FGF19: variants seen among roughly 807,000 people sequenced by gnomAD.
FGF19 encodes fibroblast growth factor 19.
In FGF19, 5 loss-of-function variants were observed where a neutral mutation model predicts 8.9. The observed-to-expected ratio is 0.56, with a 90% confidence interval of 0.29 to 1.18. The LOEUF is 1.18. Among genes scored for constraint, FGF19 ranks in the 50% most tolerant of loss-of-function variants. FGF19 has a pLI of 0.08. For synonymous variants in FGF19, 124 were observed against 128.0 expected, an observed-to-expected ratio of 0.97 and a Z score of 0.21; for missense variants, 237 against 293.9, an observed-to-expected ratio of 0.81 and a Z score of 1.42.
Position 69,703,732 on chromosome 11 carries a change from T to C in FGF19, c.145A>G (p.Thr49Ala), listed in dbSNP as rs1854805254. 8.1e-7 allele frequency: 1 copy of C among 1,232,872 alleles called. No homozygotes were observed. 76.4% of individuals were successfully genotyped at this position (1,232,872 alleles called of 1,614,324 possible). Residue 49 changes from threonine (T) to alanine (A), a missense_variant, in exon 1 of 3, where the codon ACC (threonine) becomes GCC (alanine). Physicochemically the swap from Thr to Ala is moderately conservative, Grantham distance 58. Coordinates refer to ENST00000294312, the MANE Select transcript of FGF19 (RefSeq NM_005117.3). This position sits in a 1 kb window ranked among gnomAD's most constrained non-coding sequence, Gnocchi z 6.8. ...CTGGAGAGCCCGTGGGGGCCGGAGG[T>C]GTACAGGTGCCGCAGGCGGATGGGG... ...GDPIRLRHLY[T>A]SGPHGLSSCF...
chr11:69,703,785 C>T lies in FGF19; in HGVS notation c.92G>A (p.Gly31Glu), dbSNP rs1854806592. The change falls in exon 1 of 3, where the codon GGG (glycine) becomes GAG (glutamate). Residue 31 changes from glycine to glutamate, a missense_variant. Transcript: ENST00000294312. The surrounding 1 kb of genome is among the most constrained non-coding windows in gnomAD (Gnocchi z 6.8). Reference sequence around the variant, plus strand: ...GCCCCAGCCGTAGTGCACGTGGGGCCCCGCGTCCGAGAAGGCGAGGGGGCG... The same window carrying T: ...GCCCCAGCCGTAGTGCACGTGGGGCTCCGCGTCCGAGAAGGCGAGGGGGCG... ...AGRPLAFSDAGPHVHYGWGDP... is the reference protein window; with the variant it reads ...AGRPLAFSDAEPHVHYGWGDP... The T allele has an allele frequency of 8.1e-7, 1 of 1,235,266 alleles. No homozygotes were observed. Among genetic ancestry groups the T allele is most frequent in the Non-Finnish European group, 1.0e-6 (1 of 989,422 alleles). 76.5% of individuals were successfully genotyped at this position (1,235,266 alleles called of 1,614,324 possible).
At chr11:69,699,647 G>T in intron 2 of FGF19, 71 bp from the exon 3 acceptor site, 1 of 1,274,938 alleles carries the variant, frequency 7.8e-7, no homozygotes. Context: ...GGACGTTTGT[G>T]CTACAGACTG....
Position 69,699,140 on chromosome 11 carries a change from A to T in FGF19, c.*122T>A. ...AAAACTCTGAATATGTACAACTTCTAGATGTTTCTTCCTAAAGCTAAACAG... is the reference window on the plus strand; with the variant it reads ...AAAACTCTGAATATGTACAACTTCTTGATGTTTCTTCCTAAAGCTAAACAG... On this transcript the variant is annotated 3_prime_UTR_variant, in exon 3 of 3. Transcript: ENST00000294312. 1.5e-6 allele frequency: 1 copy of T among 683,948 alleles called. No homozygotes were observed. The highest frequency in any genetic ancestry group is 2.4e-6 in the Non-Finnish European group (1 of 411,362). 42.4% of individuals were successfully genotyped at this position (683,948 alleles called of 1,614,324 possible).
chr11:69,701,780 C>T (rs1217851303), intron 2 of FGF19, among the ~76,000 whole-genome samples: 1 of 151,740 alleles, frequency 6.6e-6, no homozygotes, highest in African/African-American at 2.4e-5. Context: ...GCCTGGCCAC[C>T]AACATGGTGA....
chr11:69,703,117 T>C lies in FGF19; in HGVS notation c.336+144A>G. The stretch of plus-strand genomic sequence containing the variant: ...TGCACTTAATCGGTCTTTGCAATCT[T>C]TCCCTCGAAGTTGCACGCGGGTCTG... On this transcript the variant is annotated intron_variant, in intron 2 of 2. Transcript: ENST00000294312. The surrounding 1 kb of genome is among the most constrained non-coding windows in gnomAD (Gnocchi z 6.8). 1 of 551,400 alleles carries C rather than the reference T, an allele frequency of 1.8e-6. No individual in the cohort carries two copies. The highest frequency in any genetic ancestry group is 1.9e-5 in the African/African-American group (1 of 52,176). 34.2% of individuals were successfully genotyped at this position (551,400 alleles called of 1,614,324 possible).
rs1176688203 is a variant in FGF19, at chr11:69,698,479, C to T, written c.*783G>A. On this transcript the variant is annotated 3_prime_UTR_variant, in exon 3 of 3. Transcript: ENST00000294312. ...ATCTTTTCTTTTCCTGATTTTTGAA[C>T]AAGAAGTGCAGGTTGACATAAGGTG... 5.3e-6 allele frequency: 1 copy of T among 187,876 alleles called. No homozygotes were observed. Among genetic ancestry groups the T allele is most frequent in the Non-Finnish European group, 1.1e-5 (1 of 89,254 alleles). The allele number at this position is 187,876 out of a possible 1,614,324, so 11.6% of individuals were successfully genotyped here. A position where few individuals can be genotyped will look rare whatever the true frequency, so the allele number is the denominator to read the frequency against.
chr11:69,698,418 A>G lies in FGF19; in HGVS notation c.*844T>C, dbSNP rs764464179. On this transcript the variant is annotated 3_prime_UTR_variant, in exon 3 of 3. Transcript: ENST00000294312. ...TTCTAGGTCTTCCCCCGCTGCTTCC[A>G]CACAGCAAGTTATTGACAAGACTTG... 11 of 186,954 alleles carry G rather than the reference A, an allele frequency of 5.9e-5. No homozygotes were observed. Among genetic ancestry groups the G allele is most frequent in the Non-Finnish European group, 1.0e-4 (9 of 88,512 alleles). 11.6% of individuals were successfully genotyped at this position (186,954 alleles called of 1,614,324 possible).
Position 69,703,453 on chromosome 11 carries a change from C to T in FGF19, c.233-89G>A. The T allele has an allele frequency of 9.2e-7, 1 of 1,083,126 alleles. No individual in the cohort carries two copies. The highest frequency in any genetic ancestry group is 2.4e-5 in the Admixed American group (1 of 42,048). The allele number at this position is 1,083,126 out of a possible 1,614,324, so 67.1% of individuals were successfully genotyped here. ...TCGGTCCACAAGCCTGTGCTTCTCC[C>T]TAGCGTCCCGCGCTGTTTGGGGACT... On this transcript the variant is annotated intron_variant, in intron 1 of 2. Coordinates refer to ENST00000294312, the MANE Select transcript of FGF19 (RefSeq NM_005117.3). The surrounding 1 kb of genome is among the most constrained non-coding windows in gnomAD (Gnocchi z 6.8).
In FGF19 at chr11:69,703,965, G is replaced by A; in HGVS notation, c.-89C>T. ...CGGGATGCGCTGCGGGGCTGTGAGT[G>A]CCGGGTTGGGATGGTCGTGGCCCTA... On this transcript the variant is annotated 5_prime_UTR_variant, in exon 1 of 3. Coordinates refer to ENST00000294312, the MANE Select transcript of FGF19 (RefSeq NM_005117.3). This position sits in a 1 kb window ranked among gnomAD's most constrained non-coding sequence, Gnocchi z 6.8. 2 of 783,808 alleles carry A rather than the reference G, an allele frequency of 2.6e-6. No individual in the cohort carries two copies. The highest frequency in any genetic ancestry group is 3.5e-6 in the Non-Finnish European group (2 of 575,428). The allele number at this position is 783,808 out of a possible 1,614,324, so 48.6% of individuals were successfully genotyped here.
chr11:69,698,930 A>G lies in FGF19; in HGVS notation c.*332T>C. 3.6e-6 allele frequency: 1 copy of G among 277,110 alleles called. No individual in the cohort carries two copies. Among genetic ancestry groups the G allele is most frequent in the Non-Finnish European group, 6.8e-6 (1 of 146,304 alleles). The allele number at this position is 277,110 out of a possible 1,614,324, so 17.2% of individuals were successfully genotyped here. On this transcript the variant is annotated 3_prime_UTR_variant, in exon 3 of 3. Coordinates refer to ENST00000294312, the MANE Select transcript of FGF19 (RefSeq NM_005117.3). ...TTAGAGAATTTCAGCTTGACATAAG[A>G]ATTTTTCCAAAGGAAGTGAGTTCCC...
rs979648427 is a variant in FGF19, at chr11:69,702,478, G to A, written c.336+783C>T. Among the ~76,000 whole-genome samples, 2 of 152,076 alleles carry A rather than the reference G, an allele frequency of 1.3e-5. No individual in the cohort carries two copies. Among genetic ancestry groups the A allele is most frequent in the Admixed American group, 6.5e-5 (1 of 15,280 alleles). On this transcript the variant is annotated intron_variant, in intron 2 of 2. Transcript: ENST00000294312. This position sits in a 1 kb window ranked among gnomAD's most constrained non-coding sequence, Gnocchi z 4.6. ...ACCTCACACAGCCTCCTCTGCGCGC[G>A]GGGCCGCGGGAGGGGCGCGGGTTCG...
At position 69,698,521 on chromosome 11, in the gene FGF19, C is replaced by T. The variant is rs1854731218; in HGVS notation, c.*741G>A. 1.1e-5 allele frequency: 2 copies of T among 189,126 alleles called. No individual in the cohort carries two copies. The highest frequency in any genetic ancestry group is 6.2e-5 in the Admixed American group (1 of 16,140). The allele number at this position is 189,126 out of a possible 1,614,324, so 11.7% of individuals were successfully genotyped here. A position where few individuals can be genotyped will look rare whatever the true frequency, so the allele number is the denominator to read the frequency against. ...CATAAGGTGGGGGGCCTGGGAGGCC[C>T]CAATCCATGGGGAGGCATGTGAGGT... On this transcript the variant is annotated 3_prime_UTR_variant, in exon 3 of 3. Coordinates refer to ENST00000294312, the MANE Select transcript of FGF19 (RefSeq NM_005117.3).
At chr11:69,701,983 A>G in intron 2 of FGF19, among the ~76,000 whole-genome samples, 1 of 150,846 alleles carries the variant, frequency 6.6e-6, no homozygotes, top group Non-Finnish European at 1.5e-5. Context: ...AAAAAAAAAA[A>G]AAAAAAAAAA....
rs1458679356 is a variant in FGF19 at position 69,702,416 on chromosome 11, G to T, written c.336+845C>A. 6.6e-6 allele frequency among the ~76,000 whole-genome samples: 1 copy of T among 152,164 alleles called. No homozygotes were observed. Among genetic ancestry groups the T allele is most frequent in the Non-Finnish European group, 1.5e-5 (1 of 68,014 alleles). On this transcript the variant is annotated intron_variant, in intron 2 of 2. Transcript: ENST00000294312. The surrounding 1 kb of genome is among the most constrained non-coding windows in gnomAD (Gnocchi z 4.6). Reference sequence around the variant, plus strand: ...CCGCCCTGGCCCCTGCTCCGCCAGGGAGTCCGGGGCTGCGTGTGAGGCCTG... The same window carrying T: ...CCGCCCTGGCCCCTGCTCCGCCAGGTAGTCCGGGGCTGCGTGTGAGGCCTG...
chr11:69,701,965 CAAAAAAAAAAAAAAAA>C (rs59026695), intron 2 of FGF19, among the ~76,000 whole-genome samples: 11 of 72,890 alleles, frequency 1.5e-4, no homozygotes, highest in Middle Eastern at 7.5e-3. Context: ...AAGACTCTGC[CAAAAAAAAAAAAAAAA>C]AAAAAAAAAA....
In FGF19 at chr11:69,702,128, A is replaced by G. The variant is rs1021080399; in HGVS notation, c.336+1133T>C. On this transcript the variant is annotated intron_variant, in intron 2 of 2. Transcript: ENST00000294312. This position sits in a 1 kb window ranked among gnomAD's most constrained non-coding sequence, Gnocchi z 4.6. ...TAGTAAATGTCAAAATTAAAGTTGC[A>G]AGGGTGGGTTTGGAGCGGCTCTGGG... Among the ~76,000 whole-genome samples, 14 of 151,870 alleles carry G rather than the reference A, an allele frequency of 9.2e-5. No individual in the cohort carries two copies. The East Asian group carries it at 2.5e-3, about 28-fold the overall frequency.
Position 69,703,471 on chromosome 11 carries a change from T to C in FGF19, c.233-107A>G. On this transcript the variant is annotated intron_variant, in intron 1 of 2. Coordinates refer to ENST00000294312, the MANE Select transcript of FGF19 (RefSeq NM_005117.3). The surrounding 1 kb of genome is among the most constrained non-coding windows in gnomAD (Gnocchi z 6.8). ...CTTCTCCCTAGCGTCCCGCGCTGTT[T>C]GGGGACTAACGGAGGGATCCTAACG... 1 of 960,350 alleles carries C rather than the reference T, an allele frequency of 1.0e-6. No individual in the cohort carries two copies. 59.5% of individuals were successfully genotyped at this position (960,350 alleles called of 1,614,324 possible).
intron 2 of FGF19, among the ~76,000 whole-genome samples, chr11:69,700,895 G>A (rs531671465): frequency 8.5e-5 from 13 of 152,374 alleles, no homozygotes; most frequent in Non-Finnish European, 1.3e-4. Flanking sequence ...ATCCCACACC[G>A]GTGTCATTAC....
Position 69,703,317 on chromosome 11 carries a change from C to T in FGF19, c.280G>A (p.Gly94Ser), listed in dbSNP as rs779955147. ...CAGAGGTACCGCACGCTGTGCACGCCCTTGATGGCCACGGTCCGCAGAGCG... is the reference window on the plus strand; with the variant it reads ...CAGAGGTACCGCACGCTGTGCACGCTCTTGATGGCCACGGTCCGCAGAGCG... ...AVALRTVAIK[G>S]VHSVRYLCMG... Residue 94 changes from glycine (G) to serine (S), a missense_variant, in exon 2 of 3, where the codon GGC becomes AGC. Coordinates refer to ENST00000294312, the MANE Select transcript of FGF19 (RefSeq NM_005117.3). This position sits in a 1 kb window ranked among gnomAD's most constrained non-coding sequence, Gnocchi z 6.8. 3 of 1,610,904 alleles carry T rather than the reference C, an allele frequency of 1.9e-6. No individual in the cohort carries two copies. Among genetic ancestry groups the T allele is most frequent in the Non-Finnish European group, 2.5e-6 (3 of 1,179,006 alleles).
Sources: gnomAD v4.1 joint callset for allele counts (sites outside exome capture counted in the v4.1 genomes callset) on GRCh38, gnomAD v4.1.1 for gene constraint, Gnocchi (gnomAD v3.1) non-coding constraint, MANE v1.5 for transcripts, NCBI Gene and HGNC (gene_info 2026-07-23, HGNC 2026-07-21) for gene names.